The following COL24A1 variants were observed in gnomAD, a reference collection of about 807,000 sequenced individuals.
The protein encoded by COL24A1 is collagen type XXIV alpha 1 chain, also known as collagen alpha-1(XXIV) chain.
A neutral mutation model predicts 253.9 loss-of-function variants in COL24A1; 224 were observed. That is an observed-to-expected ratio of 0.88 (90% CI 0.79 to 0.99). The LOEUF (loss-of-function observed/expected upper bound fraction) is 0.99, where lower values mean the gene tolerates loss of function less well. Ranked by LOEUF, COL24A1 falls within the 50% of genes least tolerant of loss-of-function variation. The pLI is 0.00. For missense variants in COL24A1, 2,131 were observed against 2,068.5 expected (o/e 1.03, Z -0.59); for synonymous variants, 685 against 673.7 (o/e 1.02, Z -0.26).
intron 47 of COL24A1, among the ~76,000 whole-genome samples, chr1:85,790,357 T>G (rs1221820307): frequency 1.3e-5 from 2 of 152,220 alleles, no homozygotes; most frequent in Non-Finnish European, 1.5e-5. Context: ...TTTATAGTAT[T>G]CTCTGATGGT....
At chr1:86,096,775 A>C (rs1052283838) in intron 5 of COL24A1, among the ~76,000 whole-genome samples, 1 of 152,184 alleles carries the variant, frequency 6.6e-6, no homozygotes, top group African/African-American at 2.4e-5. Flanking sequence ...GACAAACTTC[A>C]CTTTAAATTC....
intron 21 of COL24A1, 91 bp from the exon 22 acceptor site, chr1:85,970,362 G>A: frequency 8.2e-7 from 1 of 1,217,554 alleles, no homozygotes; most frequent in Non-Finnish European, 1.2e-6. Context: ...TCTAAAATGT[G>A]AAGCTCATTC....
chr1:85,744,106 C>G (rs914603361), intron 57 of COL24A1, among the ~76,000 whole-genome samples: 1 of 151,872 alleles, frequency 6.6e-6, no homozygotes, highest in African/African-American at 2.4e-5. Flanking sequence ...ATGACTTACT[C>G]CTCTTGATTT....
rs1285256799 is a variant in COL24A1, at chr1:85,816,722, T to C, written c.3951+66A>G. 21 of 1,366,866 alleles carry C rather than the reference T, an allele frequency of 1.5e-5. No homozygotes were observed. In the Admixed American group the frequency reaches 3.0e-4, roughly 20 times the overall value. 84.7% of individuals were successfully genotyped at this position (1,366,866 alleles called of 1,614,324 possible). A position where few individuals can be genotyped will look rare whatever the true frequency, so the allele number is the denominator to read the frequency against. On this transcript the variant is annotated intron_variant, in intron 47 of 59. Transcript: ENST00000370571. The stretch of plus-strand genomic sequence containing the variant: ...AAAGCTAAAATAGATAGCCAAAATA[T>C]CTATGGTCTAGCAAGGAGACACATG...
chr1:86,031,204 A>G (rs1040759513), intron 14 of COL24A1, among the ~76,000 whole-genome samples: 5 of 152,186 alleles, frequency 3.3e-5, no homozygotes, highest in African/African-American at 1.2e-4. Context: ...CAGAAAGGTA[A>G]CTAACACATG....
In COL24A1 at chr1:85,744,580, T is replaced by C; in HGVS notation, c.4672+86A>G. 5 of 1,150,502 alleles carry C rather than the reference T, an allele frequency of 4.3e-6. No individual in the cohort carries two copies. In the South Asian group the frequency reaches 6.5e-5, roughly 15 times the overall value. The allele number at this position is 1,150,502 out of a possible 1,614,324, so 71.3% of individuals were successfully genotyped here. On this transcript the variant is annotated intron_variant, in intron 57 of 59. Coordinates refer to ENST00000370571, the MANE Select transcript of COL24A1 (RefSeq NM_152890.7). Reference sequence around the variant, plus strand: ...AGGGTTTTATCAAACTAACTATGATTTGGAGTGAACACATTACAAATCTCA... The same window carrying C: ...AGGGTTTTATCAAACTAACTATGATCTGGAGTGAACACATTACAAATCTCA...
chr1:85,785,267 T>G (rs1012390299), intron 48 of COL24A1, among the ~76,000 whole-genome samples: 1 of 152,208 alleles, frequency 6.6e-6, no homozygotes, highest in African/African-American at 2.4e-5. Context: ...TTAATCAACA[T>G]TATTGAATTT....
chr1:85,771,677 A>G (rs1387474654), intron 53 of COL24A1, among the ~76,000 whole-genome samples: 2 of 152,126 alleles, frequency 1.3e-5, no homozygotes, highest in African/African-American at 4.8e-5. Flanking sequence ...GAATCGCCAC[A>G]CTGTCTTCCA....
chr1:86,133,082 C>T (rs994314510), intron 2 of COL24A1, among the ~76,000 whole-genome samples: 15 of 152,006 alleles, frequency 9.9e-5, no homozygotes, highest in African/African-American at 2.2e-4. Flanking sequence ...CCCTTGTAAG[C>T]TGGATTCCTA....
chr1:85,821,437 C>T (rs1673610331), intron 45 of COL24A1, among the ~76,000 whole-genome samples: 1 of 151,996 alleles, frequency 6.6e-6, no homozygotes, highest in Non-Finnish European at 1.5e-5. Context: ...ATTTTAATTT[C>T]TTCATTTGAA....
At chr1:86,137,953 T>A (rs972853779) in intron 2 of COL24A1, among the ~76,000 whole-genome samples, 1 of 152,150 alleles carries the variant, frequency 6.6e-6, no homozygotes, top group Non-Finnish European at 1.5e-5. Flanking sequence ...TGGCTTTCCA[T>A]GGTATAAGAC....
chr1:85,879,972 C>A (rs1458981901), intron 32 of COL24A1, among the ~76,000 whole-genome samples: 2 of 152,136 alleles, frequency 1.3e-5, no homozygotes, highest in Admixed American at 6.5e-5. Flanking sequence ...GTCAGTTCTC[C>A]AAGTTTGTTC....
intron 32 of COL24A1, among the ~76,000 whole-genome samples, chr1:85,882,484 C>CA (rs1315867885): frequency 6.6e-6 from 1 of 151,980 alleles, no homozygotes; most frequent in African/African-American, 2.4e-5. Flanking sequence ...AAACAAAAAA[C>CA]AAAAAACACA....
At chr1:86,132,383 G>A (rs1649392260) in intron 2 of COL24A1, among the ~76,000 whole-genome samples, 1 of 152,066 alleles carries the variant, frequency 6.6e-6, no homozygotes, top group Non-Finnish European at 1.5e-5. Context: ...GATCCCATTT[G>A]TCAATTTTGG....
intron 3 of COL24A1, among the ~76,000 whole-genome samples, chr1:86,122,309 A>C (rs902891331): frequency 6.6e-6 from 1 of 151,586 alleles, no homozygotes; most frequent in Non-Finnish European, 1.5e-5. Context: ...CTTTTCTCCT[A>C]TCTCTCTGAC....
chr1:86,136,453 T>A (rs1490389645), intron 2 of COL24A1, among the ~76,000 whole-genome samples: 8 of 152,102 alleles, frequency 5.3e-5, no homozygotes, highest in African/African-American at 7.2e-5. Context: ...CTGAAAGTGA[T>A]TTTTAAGTTT....
At chr1:86,009,902 A>G (rs1053936140) in intron 19 of COL24A1, among the ~76,000 whole-genome samples, 5 of 152,212 alleles carry the variant, frequency 3.3e-5, no homozygotes, top group Admixed American at 3.3e-4. Context: ...AAAACAATGC[A>G]TGCAGTGTGT....
At chr1:85,936,743 A>G (rs1041673067) in intron 24 of COL24A1, among the ~76,000 whole-genome samples, 6 of 147,042 alleles carry the variant, frequency 4.1e-5, no homozygotes, top group African/African-American at 1.2e-4. Flanking sequence ...TGGAAAAATA[A>G]GTTATGCAAA....
intron 19 of COL24A1, among the ~76,000 whole-genome samples, chr1:86,011,438 T>G (rs890787409): frequency 9.2e-5 from 14 of 152,198 alleles, no homozygotes; most frequent in African/African-American, 3.4e-4. Context: ...ACTCAGATTA[T>G]TTTTTCTGTC....
Sources: gnomAD v4.1 joint callset for allele counts (sites outside exome capture counted in the v4.1 genomes callset) on GRCh38, gnomAD v4.1.1 for gene constraint, MANE v1.5 for transcripts, NCBI Gene and HGNC (gene_info 2026-07-23, HGNC 2026-07-21) for gene names.